The following ZMAT4 variants were observed in gnomAD, a reference collection of about 807,000 sequenced individuals.
ZMAT4 encodes zinc finger matrin-type protein 4.
Under a neutral mutation model 28.7 loss-of-function variants are expected in ZMAT4, and 17 were observed. That is an observed-to-expected ratio of 0.59 (90% CI 0.41 to 0.89). The LOEUF (loss-of-function observed/expected upper bound fraction) is 0.89. Ranked by LOEUF, ZMAT4 falls within the 40% of genes least tolerant of loss-of-function variation. The pLI is 0.00. For synonymous variants in ZMAT4, 117 were observed against 109.2 expected (o/e 1.07, Z -0.44); for missense variants, 240 against 283.8 (o/e 0.85, Z 1.11).
At chr8:40,655,587 G>C (rs75601426) in intron 5 of ZMAT4, among the ~76,000 whole-genome samples, 1 of 150,286 alleles carries the variant, frequency 6.7e-6, no homozygotes, top group African/African-American at 2.4e-5. Flanking sequence ...AAGATTGTGC[G>C]GTGTTGCAGA....
chr8:40,601,454 A>AAGGAAGGAAGGG (rs1554525346), intron 5 of ZMAT4, among the ~76,000 whole-genome samples: 9 of 88,648 alleles, frequency 1.0e-4, no homozygotes, highest in African/African-American at 3.4e-4. Flanking sequence ...GGAAGGAAGG[A>AAGGAAGGAAGGG]AGGGAGGAAG....
At chr8:40,881,496 A>AAAGAAAGAAAGG (rs1306703956) in intron 1 of ZMAT4, among the ~76,000 whole-genome samples, 1 of 144,920 alleles carries the variant, frequency 6.9e-6, no homozygotes, top group East Asian at 2.0e-4. Flanking sequence ...AGAAAGAAAG[A>AAAGAAAGAAAGG]AAGAGGAAGG....
chr8:40,678,563 GTT>G (rs1809008110), intron 4 of ZMAT4, among the ~76,000 whole-genome samples: 1 of 152,098 alleles, frequency 6.6e-6, no homozygotes, highest in African/African-American at 2.4e-5. Flanking sequence ...GCAAGAAGTA[GTT>G]CTCCCTCCTC....
intron 3 of ZMAT4, 113 bp from the exon 4 acceptor site, chr8:40,697,514 G>GCGGT: frequency 1.8e-6 from 2 of 1,104,690 alleles, no homozygotes; most frequent in Middle Eastern, 3.3e-4. Context: ...TGTTCTGCAA[G>GCGGT]CTGTCTCTCT....
intron 5 of ZMAT4, among the ~76,000 whole-genome samples, chr8:40,590,546 G>A (rs1804857340): frequency 6.6e-6 from 1 of 151,978 alleles, no homozygotes; most frequent in Admixed American, 6.5e-5. Context: ...ATCACCTCCA[G>A]GCCATTTTAG....
At chr8:40,797,866 C>T (rs1379050726) in intron 2 of ZMAT4, among the ~76,000 whole-genome samples, 1 of 152,162 alleles carries the variant, frequency 6.6e-6, no homozygotes, top group Non-Finnish European at 1.5e-5. Flanking sequence ...GGACAGGCAG[C>T]CTTTGGATAT....
rs1187454977 is a variant in ZMAT4 at position 40,802,576 on chromosome 8, TAG to T, written c.102+22997_102+22998del. 4.6e-5 allele frequency among the ~76,000 whole-genome samples: 7 copies of T among 152,054 alleles called. No individual in the cohort carries two copies. The East Asian group carries it at 1.2e-3, about 25-fold the overall frequency. On this transcript the variant is annotated intron_variant, in intron 2 of 6. Coordinates refer to ENST00000297737, the MANE Select transcript of ZMAT4 (RefSeq NM_024645.3). ...GAAAATCAAAGATGAACTAAATAAATAGAGAGATATTCCATGTTCATGGATAG... is the reference window on the plus strand; with the variant it reads ...GAAAATCAAAGATGAACTAAATAAATAGAGATATTCCATGTTCATGGATAG...
At chr8:40,876,389 T>C (rs1315063152) in intron 1 of ZMAT4, among the ~76,000 whole-genome samples, 1 of 152,214 alleles carries the variant, frequency 6.6e-6, no homozygotes, top group East Asian at 1.9e-4. Context: ...GGCATGATCA[T>C]AGCTCCATAG....
At chr8:40,742,820 A>G (rs1270553204) in intron 3 of ZMAT4, among the ~76,000 whole-genome samples, 1 of 152,084 alleles carries the variant, frequency 6.6e-6, no homozygotes, top group Non-Finnish European at 1.5e-5. Context: ...TTAGAAGACA[A>G]TTTCACAAAC....
In ZMAT4 at chr8:40,840,416, C is replaced by T. The variant is rs188455437; in HGVS notation, c.-4-14736G>A. Among the ~76,000 whole-genome samples the T allele has an allele frequency of 5.6e-4, 85 of 152,294 alleles. 1 individual carries two copies. The highest frequency in any genetic ancestry group is 5.9e-4 in the Admixed American group (9 of 15,306). On this transcript the variant is annotated intron_variant, in intron 1 of 6. Transcript: ENST00000297737. ...CCTCTTTCCAATCCTGCTTCTGCTC[C>T]TCCCTCCACAGATATCCCTCCCAAG...
At chr8:40,779,884 C>A (rs1297188518) in intron 2 of ZMAT4, among the ~76,000 whole-genome samples, 1 of 152,148 alleles carries the variant, frequency 6.6e-6, no homozygotes, top group Non-Finnish European at 1.5e-5. Context: ...CAAGGCCAAC[C>A]CGCCGGCAAC....
chr8:40,800,705 G>A (rs914349097), intron 2 of ZMAT4, among the ~76,000 whole-genome samples: 1 of 149,212 alleles, frequency 6.7e-6, no homozygotes, highest in Admixed American at 6.6e-5. Flanking sequence ...TGAACCAAAT[G>A]AGAATAAAAA....
chr8:40,832,983 C>T (rs1316334950), intron 1 of ZMAT4, among the ~76,000 whole-genome samples: 1 of 152,166 alleles, frequency 6.6e-6, no homozygotes, highest in African/African-American at 2.4e-5. Context: ...TGTTGCCTGA[C>T]ATTTGCTCCC....
At chr8:40,891,808 C>G (rs892208737) in intron 1 of ZMAT4, among the ~76,000 whole-genome samples, 1 of 152,200 alleles carries the variant, frequency 6.6e-6, no homozygotes, top group Non-Finnish European at 1.5e-5. Flanking sequence ...TCACTGCCGA[C>G]CCTGAGCTGT....
At chr8:40,804,406 G>A (rs1814987702) in intron 2 of ZMAT4, among the ~76,000 whole-genome samples, 1 of 152,078 alleles carries the variant, frequency 6.6e-6, no homozygotes, top group African/African-American at 2.4e-5. Context: ...CTAAAAAAAA[G>A]GAAGTCCATT....
chr8:40,708,254 G>A (rs1439468274), intron 3 of ZMAT4, among the ~76,000 whole-genome samples: 2 of 152,162 alleles, frequency 1.3e-5, no homozygotes, highest in Non-Finnish European at 2.9e-5. Flanking sequence ...AGCCCTGTGT[G>A]AGAACAGCAG....
At chr8:40,894,708 G>T (rs997457285) in intron 1 of ZMAT4, among the ~76,000 whole-genome samples, 1 of 151,978 alleles carries the variant, frequency 6.6e-6, no homozygotes, top group African/African-American at 2.4e-5. Context: ...TTTCTGAGGT[G>T]TTCCAGAGTG....
In ZMAT4 at chr8:40,654,673, T is replaced by A. The variant is rs540795574; in HGVS notation, c.577+20031A>T. ...GGTTTAACGTATGAAAATCAATAAA[T>A]GTAATTCATGGAATAAATTAAAGAT... On this transcript the variant is annotated intron_variant, in intron 5 of 6. Coordinates refer to ENST00000297737, the MANE Select transcript of ZMAT4 (RefSeq NM_024645.3). Among the ~76,000 whole-genome samples the A allele has an allele frequency of 2.2e-3, 331 of 152,234 alleles. 4 individuals carry two copies. Among genetic ancestry groups the A allele is most frequent in the Non-Finnish European group, 3.8e-4 (26 of 67,996 alleles).
intron 2 of ZMAT4, among the ~76,000 whole-genome samples, chr8:40,770,548 C>A (rs1314823702): frequency 3.2e-5 from 2 of 62,358 alleles, no homozygotes; most frequent in African/African-American, 9.2e-5. Flanking sequence ...CTTTCTCTCT[C>A]ATTTTTTTTT....
Sources: gnomAD v4.1 joint callset for allele counts (sites outside exome capture counted in the v4.1 genomes callset) on GRCh38, gnomAD v4.1.1 for gene constraint, MANE v1.5 for transcripts, NCBI Gene and HGNC (gene_info 2026-07-23, HGNC 2026-07-21) for gene names.